PAPPA2: variants seen among roughly 807,000 people sequenced by gnomAD.
PAPPA2 encodes pappalysin-2.
PAPPA2 carries 86 observed loss-of-function variants against 176.4 expected under a neutral mutation model. That is an observed-to-expected ratio of 0.49 (90% CI 0.41 to 0.58). The LOEUF is 0.58. Ranked by LOEUF, PAPPA2 falls within the 20% of genes least tolerant of loss-of-function variation. PAPPA2 has a pLI of 0.00. For missense variants in PAPPA2, 2,073 were observed against 2,256.9 expected (o/e 0.92, Z 1.65); for synonymous variants, 809 against 852.2 (o/e 0.95, Z 0.88).
At chr1:176,467,937 A>G (rs1196578493) in intron 1 of PAPPA2, among the ~76,000 whole-genome samples, 1 of 152,224 alleles carries the variant, frequency 6.6e-6, no homozygotes, top group Non-Finnish European at 1.5e-5. Context: ...ATAGATGAAG[A>G]ATAGCATTTG....
At chr1:176,651,509 T>C (rs557677932) in intron 3 of PAPPA2, among the ~76,000 whole-genome samples, 10 of 151,806 alleles carry the variant, frequency 6.6e-5, no homozygotes, top group Non-Finnish European at 1.3e-4. Flanking sequence ...AATTTGAACT[T>C]CTTTTATGTG....
At chr1:176,590,916 A>G (rs914517094) in intron 2 of PAPPA2, among the ~76,000 whole-genome samples, 1 of 152,156 alleles carries the variant, frequency 6.6e-6, no homozygotes, top group Non-Finnish European at 1.5e-5. Flanking sequence ...TCAGAACCTC[A>G]GTGTCTGCAT....
At chr1:176,812,046 G>A (rs1666172400) in intron 21 of PAPPA2, among the ~76,000 whole-genome samples, 1 of 152,084 alleles carries the variant, frequency 6.6e-6, no homozygotes, top group South Asian at 2.1e-4. Flanking sequence ...GAGCCGTGCT[G>A]TGACTTCCTG....
At chr1:176,714,975 C>T (rs1661303807) in intron 12 of PAPPA2, among the ~76,000 whole-genome samples, 2 of 152,182 alleles carry the variant, frequency 1.3e-5, no homozygotes, top group African/African-American at 4.8e-5. Context: ...GCAAATTCCA[C>T]CTTCTGGCCT....
chr1:176,788,186 C>A (rs1665026478), intron 17 of PAPPA2, among the ~76,000 whole-genome samples: 1 of 152,184 alleles, frequency 6.6e-6, no homozygotes, highest in Admixed American at 6.5e-5. Context: ...TGATTCAATT[C>A]AGCAGATACT....
chr1:176,511,926 A>G (rs1648619846), intron 1 of PAPPA2, among the ~76,000 whole-genome samples: 1 of 152,130 alleles, frequency 6.6e-6, no homozygotes. Flanking sequence ...TATAAATATC[A>G]GTTTTTTTCC....
At chr1:176,729,011 A>G (rs1459624246) in intron 12 of PAPPA2, among the ~76,000 whole-genome samples, 3 of 151,974 alleles carry the variant, frequency 2.0e-5, no homozygotes, top group Admixed American at 2.0e-4. Context: ...AATGGGGTAT[A>G]GCATCCTTTA....
intron 21 of PAPPA2, among the ~76,000 whole-genome samples, chr1:176,825,129 C>T (rs566692043): frequency 9.8e-5 from 15 of 152,286 alleles, no homozygotes; most frequent in Admixed American, 9.8e-4. Flanking sequence ...CTCCTCTTAC[C>T]TCCTTTTCCT....
chr1:176,725,368 G>GT (rs1417544242), intron 12 of PAPPA2, among the ~76,000 whole-genome samples: 34 of 152,156 alleles, frequency 2.2e-4, no homozygotes, highest in Non-Finnish European at 1.9e-4. Flanking sequence ...ATATTTACTA[G>GT]TGTTTGCTTT....
At position 176,591,085 on chromosome 1, in the gene PAPPA2, G is replaced by GCACACA. The variant is rs66535582; in HGVS notation, c.920-3404_920-3399dup. On this transcript the variant is annotated intron_variant, in intron 2 of 22. Transcript: ENST00000367662. ...TAAAAGTAAATATAGTCACACACAT[G>GCACACA]CACACACACACACACACACACACAC... is the stretch of plus-strand genomic sequence containing the variant. Among the ~76,000 whole-genome samples, 201 of 142,350 alleles carry GCACACA rather than the reference G, an allele frequency of 1.4e-3. 1 individual carries two copies. Among genetic ancestry groups the GCACACA allele is most frequent in the Middle Eastern group, 3.6e-3 (1 of 278 alleles). The allele number at this position is 142,350 out of a possible 152,430, so 93.4% of individuals were successfully genotyped here. A position where few individuals can be genotyped will look rare whatever the true frequency, so the allele number is the denominator to read the frequency against.
chr1:176,539,558 G>A (rs1650259275), intron 1 of PAPPA2, among the ~76,000 whole-genome samples: 1 of 152,204 alleles, frequency 6.6e-6, no homozygotes, highest in Non-Finnish European at 1.5e-5. Flanking sequence ...GTGGAGGGAA[G>A]ACCTCTAGAA....
At chr1:176,766,908 A>G in intron 15 of PAPPA2, among the ~76,000 whole-genome samples, 1 of 148,482 alleles carries the variant, frequency 6.7e-6, no homozygotes, top group South Asian at 2.1e-4. Context: ...ACAAGAGTTG[A>G]TTTTTTTTTT....
Position 176,791,416 on chromosome 1 carries a change from G to T in PAPPA2, c.4954G>T (p.Glu1652Ter). The T allele has an allele frequency of 6.2e-7, 1 of 1,613,448 alleles. No homozygotes were observed. Among genetic ancestry groups the T allele is most frequent in the Non-Finnish European group, 8.5e-7 (1 of 1,179,490 alleles). The stretch of plus-strand genomic sequence containing the variant: ...TAAGTTGTGTGAGAATCTGCAAGGA[G>T]AATGCCCACCACCCCCCTCAGAGCT... ...EFKLCENLQG[E>*]CPPPPSELNS... is the part of the protein sequence containing the mutation. Residue 1652 changes from glutamate to a stop codon, truncating the protein, a stop_gained, in exon 19 of 23, where the codon GAA (glutamate) becomes TAA (stop). Transcript: ENST00000367662. LOFTEE classifies it high-confidence loss of function.
At chr1:176,812,229 G>A (rs1307241131) in intron 21 of PAPPA2, among the ~76,000 whole-genome samples, 2 of 148,598 alleles carry the variant, frequency 1.3e-5, no homozygotes, top group South Asian at 2.2e-4. Context: ...TTTGGGGGGA[G>A]GGTTCTTTTT....
intron 14 of PAPPA2, among the ~76,000 whole-genome samples, chr1:176,745,924 T>A (rs938844188): frequency 6.6e-6 from 1 of 152,208 alleles, no homozygotes; most frequent in African/African-American, 2.4e-5. Context: ...GTGGTGCTGC[T>A]GGAACTTTCT....
chr1:176,466,192 T>C (rs921646342), intron 1 of PAPPA2, among the ~76,000 whole-genome samples: 3 of 152,128 alleles, frequency 2.0e-5, no homozygotes, highest in Admixed American at 2.0e-4. Flanking sequence ...AGGTCCTATA[T>C]GGGAATGAAT....
intron 12 of PAPPA2, among the ~76,000 whole-genome samples, chr1:176,713,158 CTT>C (rs879717582): frequency 3.5e-5 from 5 of 143,002 alleles, no homozygotes; most frequent in Admixed American, 7.0e-5. Context: ...AATTCAAGTT[CTT>C]TTTTTTTTTT....
At chr1:176,823,036 T>C (rs953856815) in intron 21 of PAPPA2, among the ~76,000 whole-genome samples, 8 of 152,218 alleles carry the variant, frequency 5.3e-5, no homozygotes, top group African/African-American at 1.9e-4. Flanking sequence ...GTAATAACAA[T>C]TAACAATATA....
intron 21 of PAPPA2, among the ~76,000 whole-genome samples, chr1:176,837,087 C>T (rs1300959852): frequency 3.9e-5 from 6 of 152,082 alleles, no homozygotes; most frequent in Admixed American, 1.3e-4. Context: ...GAGAAGTTTC[C>T]GAAGCGGTAT....
Sources: allele counts gnomAD v4.1 joint callset (sites outside exome capture counted in the v4.1 genomes callset), GRCh38; gene constraint gnomAD v4.1.1; transcripts MANE v1.5; gene names NCBI Gene and HGNC (gene_info 2026-07-23, HGNC 2026-07-21).